Variants in NCOR2 observed in about 807,000 individuals in gnomAD.
The protein encoded by NCOR2 is CTG repeat protein 26.
NCOR2 carries 81 observed loss-of-function variants against 262.9 expected under a neutral mutation model. The observed-to-expected ratio is 0.31, with a 90% CI of 0.26 to 0.37. The LOEUF is 0.37. Among genes scored for constraint, NCOR2 ranks in the 10% least tolerant of loss-of-function variants. The pLI is 1.00. For missense variants in NCOR2, 3,385 were observed against 3,621.4 expected, an observed-to-expected ratio of 0.93 and a Z score of 1.68; for synonymous variants, 1,659 against 1,559.3, an observed-to-expected ratio of 1.06 and a Z score of -1.51.
At chr12:124,403,148 T>C (rs1053971050) in intron 13 of NCOR2, among the ~76,000 whole-genome samples, 1 of 152,110 alleles carries the variant, frequency 6.6e-6, no homozygotes, top group Non-Finnish European at 1.5e-5. Context: ...AGGCCACCTC[T>C]CTAAGCCTCG....
At chr12:124,448,740 G>A (rs2136491132) in intron 7 of NCOR2, among the ~76,000 whole-genome samples, 1 of 152,226 alleles carries the variant, frequency 6.6e-6, no homozygotes, top group East Asian at 1.9e-4. Context: ...TCCAGCACCA[G>A]CAGATGTGTG....
At position 124,423,770 on chromosome 12, in the gene NCOR2, C is replaced by T. The variant is rs534094693; in HGVS notation, c.1329-1215G>A. 1.0e-3 allele frequency among the ~76,000 whole-genome samples: 156 copies of T among 152,342 alleles called. 1 individual carries two copies. The highest frequency in any genetic ancestry group is 3.6e-3 in the African/African-American group (151 of 41,582). On this transcript the variant is annotated intron_variant, in intron 11 of 46. Transcript: ENST00000405201. ...TCCTAGGTCCCCTGTTCCCCTCCCT[C>T]AATACCTCACTTGCACCCCTGGAAG... is the stretch of plus-strand genomic sequence containing the variant.
intron 16 of NCOR2, among the ~76,000 whole-genome samples, chr12:124,386,883 G>C (rs192162329): frequency 6.6e-6 from 1 of 152,228 alleles, no homozygotes; most frequent in African/African-American, 2.4e-5. Flanking sequence ...ACCTTGTGTG[G>C]CCCAGCCAGT....
chr12:124,375,125 T>C (rs1278963076), intron 18 of NCOR2, among the ~76,000 whole-genome samples: 1 of 152,228 alleles, frequency 6.6e-6, no homozygotes, highest in Non-Finnish European at 1.5e-5. Context: ...TTAATCAGCT[T>C]GCCCAAGGCC....
chr12:124,545,756 C>T (rs974044855), intron 1 of NCOR2, among the ~76,000 whole-genome samples: 3 of 151,804 alleles, frequency 2.0e-5, no homozygotes, highest in Admixed American at 6.6e-5. Flanking sequence ...TTCCCTGCGC[C>T]GCCCCGTGCT....
At chr12:124,449,581 C>T (rs932275154) in intron 7 of NCOR2, among the ~76,000 whole-genome samples, 1 of 152,154 alleles carries the variant, frequency 6.6e-6, no homozygotes, top group Non-Finnish European at 1.5e-5. Context: ...CCCTCGCCCA[C>T]CCTCCCAAAC....
At position 124,503,406 on chromosome 12, in the gene NCOR2, AAGG is replaced by A. The variant is rs1002774703; in HGVS notation, c.-117-8041_-117-8039del. 3.9e-5 allele frequency among the ~76,000 whole-genome samples: 6 copies of A among 152,122 alleles called. No homozygotes were observed. Among genetic ancestry groups the A allele is most frequent in the African/African-American group, 4.8e-5 (2 of 41,424 alleles). ...GGAGAAAGGAGGAAGGGAGGGAGGA[AAGG>A]AGGATGGATGGATGAATGCATGCAT... On this transcript the variant is annotated intron_variant, in intron 1 of 46. Coordinates refer to the NCOR2 transcript ENST00000404621. The surrounding 1 kb of genome is among the most constrained non-coding windows in gnomAD (Gnocchi z 4.3).
chr12:124,374,590 C>T, intron 18 of NCOR2, 127 bp from the exon 21 acceptor site: 1 of 848,344 alleles, frequency 1.2e-6, no homozygotes, highest in South Asian at 1.5e-5. Context: ...CTGCTGCTCG[C>T]TCTCCTGCCC....
rs1181021142 is a variant in NCOR2, at chr12:124,479,169, CAG to C, written c.411+4425_411+4426del. On this transcript the variant is annotated intron_variant, in intron 3 of 46. Coordinates refer to ENST00000405201, the Ensembl canonical transcript of NCOR2. ...CGCACCTGGGGGACAACTGCCCACTCAGGGGTTGGTCACCCTCCAAGGCTGGG... is the reference window on the plus strand; with the variant it reads ...CGCACCTGGGGGACAACTGCCCACTCGGGTTGGTCACCCTCCAAGGCTGGG... Among the ~76,000 whole-genome samples the C allele has an allele frequency of 9.2e-5, 14 of 152,352 alleles. No individual in the cohort carries two copies. The South Asian group carries it at 1.4e-3, about 16-fold the overall frequency.
At chr12:124,340,702 C>T (rs376629520) in exon 35 of NCOR2, 47 of 1,537,386 alleles carry the variant, frequency 3.1e-5, no homozygotes, top group African/African-American at 1.5e-4. Flanking sequence ...TGCCTGGTGT[C>T]GGGGGCACGA....
rs1384124558 is a variant in NCOR2 at position 124,350,837 on chromosome 12, G to A, written c.3694-100C>T. On this transcript the variant is annotated intron_variant, in intron 27 of 46. Transcript: ENST00000405201. ...GTGCTTAAAAGCCCATGTGCCCACC[G>A]ATGCACACGCGTGTCCACACACACA... 1.7e-5 allele frequency: 22 copies of A among 1,282,270 alleles called. No individual in the cohort carries two copies. The Middle Eastern group carries it at 7.1e-4, about 41-fold the overall frequency. 79.4% of individuals were successfully genotyped at this position (1,282,270 alleles called of 1,614,324 possible). A position where few individuals can be genotyped will look rare whatever the true frequency, so the allele number is the denominator to read the frequency against.
At chr12:124,388,659 T>TC in intron 16 of NCOR2, 3 of 1,303,664 alleles carry the variant, frequency 2.3e-6, no homozygotes, top group Non-Finnish European at 3.0e-6. Context: ...CAGTCCCCCA[T>TC]CCCCTCCCCA....
chr12:124,390,999 C>T (rs1041452737), intron 16 of NCOR2, among the ~76,000 whole-genome samples: 1 of 152,254 alleles, frequency 6.6e-6, no homozygotes, highest in African/African-American at 2.4e-5. Context: ...CTCCTCTGGG[C>T]ACCCATGGGG....
At chr12:124,336,658 G>A (rs1332686881) in intron 38 of NCOR2, 95 bp downstream of exon 40, 1 of 1,526,612 alleles carries the variant, frequency 6.6e-7, no homozygotes, top group East Asian at 2.4e-5. Flanking sequence ...GGGAGCCGTT[G>A]GCCAGCGCAC....
At chr12:124,557,039 G>A (rs566077465) in intron 1 of NCOR2, among the ~76,000 whole-genome samples, 10 of 152,342 alleles carry the variant, frequency 6.6e-5, no homozygotes, top group Non-Finnish European at 5.9e-5. Context: ...CGCAGAGGAC[G>A]GCCCACGCCG....
intron 3 of NCOR2, among the ~76,000 whole-genome samples, chr12:124,478,798 G>A (rs2047240937): frequency 6.6e-6 from 1 of 152,152 alleles, no homozygotes; most frequent in Non-Finnish European, 1.5e-5. Context: ...CAGAAAGACA[G>A]AGACGTGGTG....
chr12:124,402,558 G>T, exon 14 of NCOR2: 1 of 1,562,276 alleles, frequency 6.4e-7, no homozygotes. Flanking sequence ...TGTTGTTGCT[G>T]CTGCTGTCAG....
chr12:124,425,914 G>T (rs987805450), intron 11 of NCOR2, among the ~76,000 whole-genome samples: 6 of 152,184 alleles, frequency 3.9e-5, no homozygotes, highest in African/African-American at 1.4e-4. Context: ...GGGACAGGAG[G>T]GGGAAAATGC....
upstream of NCOR2, among the ~76,000 whole-genome samples, chr12:124,497,832 T>A (rs982557621): frequency 2.6e-5 from 4 of 152,140 alleles, no homozygotes; most frequent in Non-Finnish European, 5.9e-5. This position sits in a 1 kb window ranked among gnomAD's most constrained non-coding sequence, Gnocchi z 4.2. Context: ...GACGCTATGA[T>A]GGGGAGGCAA....
Sources: allele counts gnomAD v4.1 joint callset (sites outside exome capture counted in the v4.1 genomes callset), GRCh38; gene constraint gnomAD v4.1.1; non-coding constraint Gnocchi (gnomAD v3.1); transcripts MANE v1.5; gene names NCBI Gene and HGNC (gene_info 2026-07-23, HGNC 2026-07-21).